The following DLC1 variants were observed in gnomAD, a reference collection of about 807,000 sequenced individuals.
DLC1 encodes DLC1 Rho GTPase activating protein.
DLC1 carries 54 observed loss-of-function variants against 140.3 expected under a neutral mutation model. That is an observed-to-expected ratio of 0.38 (90% CI 0.31 to 0.48). The LOEUF (loss-of-function observed/expected upper bound fraction) is 0.48. DLC1 is among the 20% of genes least tolerant of loss of function. DLC1 has a pLI of 0.96. For synonymous variants in DLC1, 986 were observed against 728.1 expected (o/e 1.35, Z -5.70); for missense variants, 2,536 against 1,907.0 (o/e 1.33, Z -6.14).
chr8:13,310,376 A>C (rs1172780414), intron 4 of DLC1, among the ~76,000 whole-genome samples: 2 of 152,218 alleles, frequency 1.3e-5, no homozygotes, highest in African/African-American at 4.8e-5. Context: ...TTCCCTTTAA[A>C]ACATTCACTT....
intron 5 of DLC1, among the ~76,000 whole-genome samples, chr8:13,195,167 G>A (rs181706052): frequency 1.7e-3 from 254 of 152,234 alleles, no homozygotes; most frequent in Non-Finnish European, 3.1e-3. Flanking sequence ...TCCTTCACAT[G>A]GGAAAGAATA....
intron 5 of DLC1, among the ~76,000 whole-genome samples, chr8:13,219,265 ATATAAT>A (rs1217443850): frequency 1.4e-5 from 2 of 138,380 alleles, no homozygotes; most frequent in East Asian, 2.0e-4. Context: ...GAATATAACT[ATATAAT>A]TATAATATGA....
chr8:13,548,065 C>G (rs1229872374), intron 1 of DLC1, among the ~76,000 whole-genome samples: 4 of 151,876 alleles, frequency 2.6e-5, no homozygotes, highest in Non-Finnish European at 5.9e-5. Context: ...TTTTCAAACC[C>G]TGAGTTATTT....
rs550724146 is a variant in DLC1 at position 13,504,591 on chromosome 8, G to A, written c.-125-4395C>T. On this transcript the variant is annotated intron_variant, in intron 1 of 17. Transcript: ENST00000276297. ...TGTCGTTGTGAATTTTCAGAACATA[G>A]GAGGTAAGCAAATGGTTCTAAATGT... is the stretch of plus-strand genomic sequence containing the variant. Among the ~76,000 whole-genome samples the A allele has an allele frequency of 2.4e-4, 37 of 152,292 alleles. No homozygotes were observed. The South Asian group carries it at 7.2e-3, about 30-fold the overall frequency.
intron 1 of DLC1, among the ~76,000 whole-genome samples, chr8:13,523,832 A>G (rs1472544224): frequency 6.6e-6 from 1 of 152,030 alleles, no homozygotes; most frequent in Non-Finnish European, 1.5e-5. Context: ...GAATAACAGT[A>G]TATTTGCAAA....
At chr8:13,276,354 G>A in intron 5 of DLC1, 1 of 1,523,892 alleles carries the variant, frequency 6.6e-7, no homozygotes, top group Non-Finnish European at 8.8e-7. Flanking sequence ...CCTCCGGAGA[G>A]GGGCTCGCAG....
chr8:13,160,611 C>A (rs1824616826), intron 5 of DLC1, among the ~76,000 whole-genome samples: 1 of 152,206 alleles, frequency 6.6e-6, no homozygotes, highest in Non-Finnish European at 1.5e-5. Flanking sequence ...TCTTACCTGG[C>A]ATAGGTTAAA....
At chr8:13,433,181 A>G (rs772581943) in intron 2 of DLC1, among the ~76,000 whole-genome samples, 36 of 152,072 alleles carry the variant, frequency 2.4e-4, no homozygotes, top group Non-Finnish European at 4.7e-4. Flanking sequence ...AGAATTTATG[A>G]AAAAATGTGC....
chr8:13,198,915 T>C (rs1585893962), intron 5 of DLC1, among the ~76,000 whole-genome samples: 1 of 151,956 alleles, frequency 6.6e-6, no homozygotes, highest in East Asian at 1.9e-4. Flanking sequence ...CGGGGTTTCA[T>C]GATGTTGGCC....
intron 5 of DLC1, among the ~76,000 whole-genome samples, chr8:13,152,060 G>C (rs1255113336): frequency 6.6e-6 from 1 of 152,180 alleles, no homozygotes; most frequent in Non-Finnish European, 1.5e-5. Context: ...TAATTGGACA[G>C]TATGAACTTC....
chr8:13,527,636 T>C (rs1802960581), intron 1 of DLC1, among the ~76,000 whole-genome samples: 2 of 152,166 alleles, frequency 1.3e-5, no homozygotes, highest in Admixed American at 6.5e-5. Flanking sequence ...TGTTGAGTCT[T>C]GCTTTATGGC....
At chr8:13,244,184 A>G (rs1005974904) in intron 5 of DLC1, among the ~76,000 whole-genome samples, 8 of 152,124 alleles carry the variant, frequency 5.3e-5, no homozygotes, top group African/African-American at 1.9e-4. Flanking sequence ...TCAGGCTATG[A>G]TAATCTTTCT....
intron 5 of DLC1, among the ~76,000 whole-genome samples, chr8:13,167,634 C>T (rs528784465): frequency 6.6e-6 from 1 of 152,300 alleles, no homozygotes; most frequent in South Asian, 2.1e-4. Flanking sequence ...GCACAGCTAC[C>T]AAATTTGTTA....
intron 4 of DLC1, among the ~76,000 whole-genome samples, chr8:13,356,640 A>G (rs557113441): frequency 9.3e-4 from 142 of 152,274 alleles, no homozygotes; most frequent in African/African-American, 3.2e-3. Context: ...TACATTCTAC[A>G]TTAAATTACG....
intron 5 of DLC1, among the ~76,000 whole-genome samples, chr8:13,165,718 C>G (rs1368864337): frequency 6.6e-6 from 1 of 152,220 alleles, no homozygotes; most frequent in Non-Finnish European, 1.5e-5. Context: ...CTACACCTTC[C>G]TGTATTCCCC....
At chr8:13,086,538 A>G (rs1171557468) in intron 16 of DLC1, 75 bp from the exon 17 acceptor site, 1 of 1,550,954 alleles carries the variant, frequency 6.4e-7, no homozygotes, top group African/African-American at 1.4e-5. Context: ...TTCACTCTTC[A>G]CTATTTGCAG....
In DLC1 at chr8:13,099,584, C is replaced by G. The variant is rs779524261; in HGVS notation, c.2753G>C (p.Arg918Pro). Residue 918 changes from arginine (R) to proline (P), a missense_variant, in exon 9 of 18, where the codon CGG becomes CCG. By Grantham distance (103) the Arg-to-Pro change is moderately radical (BLOSUM62 -2). Transcript: ENST00000276297. ...CTTCTCCGACCACTGATTGACTATC[C>G]GCTGCATCCCCTTCACGTGGTAGAG... The part of the protein sequence containing the change: ...DILYHVKGMQ[R>P]IVNQWSEKFS... 9.3e-6 allele frequency: 15 copies of G among 1,614,190 alleles called. No individual in the cohort carries two copies. The highest frequency in any genetic ancestry group is 1.0e-5 in the Non-Finnish European group (12 of 1,180,034).
rs1172548035 is a variant in DLC1, at chr8:13,579,251, T to C, written c.-126+25286A>G. ...CTAATTGAGGAACAGGGAGCATATA[T>C]ATATATATATATATATATGCACATA... On this transcript the variant is annotated intron_variant, in intron 1 of 1. Transcript: ENST00000631382. Among the ~76,000 whole-genome samples the C allele has an allele frequency of 4.7e-5, 5 of 106,170 alleles. 1 individual carries two copies. Among genetic ancestry groups the C allele is most frequent in the African/African-American group, 1.9e-4 (5 of 26,944 alleles). 69.7% of individuals were successfully genotyped at this position (106,170 alleles called of 152,430 possible).
intron 1 of DLC1, among the ~76,000 whole-genome samples, chr8:13,561,372 G>A (rs1344824202): frequency 6.6e-6 from 1 of 152,100 alleles, no homozygotes; most frequent in Non-Finnish European, 1.5e-5. Context: ...TTGGGAAGGG[G>A]TCTCGCTGTG....
Sources: allele counts gnomAD v4.1 joint callset (sites outside exome capture counted in the v4.1 genomes callset), GRCh38; gene constraint gnomAD v4.1.1; transcripts MANE v1.5; gene names NCBI Gene and HGNC (gene_info 2026-07-23, HGNC 2026-07-21).